SPIDR: variants seen among roughly 807,000 people sequenced by gnomAD.
SPIDR encodes DNA repair-scaffolding protein.
Under a neutral mutation model 104.6 loss-of-function variants are expected in SPIDR, and 93 were observed. The observed-to-expected ratio is 0.89, with a 90% CI of 0.75 to 1.06. The LOEUF (loss-of-function observed/expected upper bound fraction) is 1.06, where lower values mean the gene tolerates loss of function less well. Ranked by LOEUF, SPIDR falls within the 50% of genes least tolerant of loss-of-function variation. SPIDR has a pLI of 0.00. For synonymous variants in SPIDR, 431 were observed against 416.9 expected (o/e 1.03, Z -0.41); for missense variants, 1,154 against 1,111.2 (o/e 1.04, Z -0.55).
chr8:47,450,558 G>T (rs1361996663), intron 8 of SPIDR, among the ~76,000 whole-genome samples: 1 of 152,210 alleles, frequency 6.6e-6, no homozygotes, highest in African/African-American at 2.4e-5. Flanking sequence ...CTCCTCAAAT[G>T]TGTACCAGTT....
intron 1 of SPIDR, 61 bp downstream of exon 1, chr8:47,261,052 C>T (rs2032018271): frequency 1.6e-6 from 2 of 1,224,830 alleles, no homozygotes; most frequent in Admixed American, 4.3e-5. Flanking sequence ...AAGCGGCGGG[C>T]CGGCGCGGGG....
chr8:47,343,583 G>A (rs1554615371), intron 5 of SPIDR, among the ~76,000 whole-genome samples: 1 of 152,176 alleles, frequency 6.6e-6, no homozygotes, highest in African/African-American at 2.4e-5. Flanking sequence ...TGCCTGGGGT[G>A]GATGGAGTCT....
chr8:47,393,138 CTGT>C (rs1403029891), intron 5 of SPIDR, among the ~76,000 whole-genome samples: 1 of 152,164 alleles, frequency 6.6e-6, no homozygotes, highest in East Asian at 1.9e-4. Flanking sequence ...GAGCCACTGC[CTGT>C]TGACCAGTTT....
At chr8:47,290,552 T>C (rs2039720915) in intron 3 of SPIDR, among the ~76,000 whole-genome samples, 1 of 152,194 alleles carries the variant, frequency 6.6e-6, no homozygotes, top group African/African-American at 2.4e-5. Flanking sequence ...TATCTCAAAA[T>C]AAAAAGTTTA....
At chr8:47,363,199 C>CTTTTT (rs34705214) in intron 5 of SPIDR, among the ~76,000 whole-genome samples, 188 of 79,722 alleles carry the variant, frequency 2.4e-3, no homozygotes, top group Non-Finnish European at 2.8e-3. Context: ...CTTTATCTCT[C>CTTTTT]TTTTTTTTTT....
At chr8:47,329,738 G>A (rs1436205832) in intron 5 of SPIDR, among the ~76,000 whole-genome samples, 2 of 152,134 alleles carry the variant, frequency 1.3e-5, no homozygotes, top group Non-Finnish European at 2.9e-5. Context: ...AAAGAAAGGA[G>A]AGCAAGTATA....
intron 8 of SPIDR, among the ~76,000 whole-genome samples, chr8:47,519,974 C>T (rs753299205): frequency 8.5e-5 from 13 of 152,092 alleles, no homozygotes; most frequent in African/African-American, 1.4e-4. Flanking sequence ...TTCTACCTCT[C>T]GTCATTATAT....
chr8:47,679,034 A>G (rs1041854971), intron 11 of SPIDR, among the ~76,000 whole-genome samples: 11 of 152,078 alleles, frequency 7.2e-5, no homozygotes, highest in African/African-American at 2.7e-4. Flanking sequence ...CTCACAGGCC[A>G]GTCTCATGCT....
At chr8:47,669,889 ACTC>A (rs2075566330) in intron 10 of SPIDR, among the ~76,000 whole-genome samples, 1 of 151,030 alleles carries the variant, frequency 6.6e-6, no homozygotes, top group Non-Finnish European at 1.5e-5. Flanking sequence ...AGTCCCAGCT[ACTC>A]GGGAGGCTGA....
Position 47,284,082 on chromosome 8 carries a change from A to G in SPIDR, c.244A>G (p.Arg82Gly). The change falls in exon 3 of 20, where the codon AGA becomes GGA. Residue 82 changes from arginine (R) to glycine (G), a missense_variant. Arg to Gly is a moderately radical substitution (Grantham distance 125, BLOSUM62 -2). Transcript: ENST00000297423. Reference sequence around the variant, plus strand: ...AGAAAAGCACCTTGAATTATGCCCTAGACCCAAGCAAGGTAACTATTTTGT... The same window carrying G: ...AGAAAAGCACCTTGAATTATGCCCTGGACCCAAGCAAGGTAACTATTTTGT... ...ITEKHLELCP[R>G]PKQETTTSKS... 6.2e-7 allele frequency: 1 copy of G among 1,611,216 alleles called. No homozygotes were observed. Among genetic ancestry groups the G allele is most frequent in the Non-Finnish European group, 8.5e-7 (1 of 1,178,624 alleles).
At chr8:47,576,266 C>G (rs2059119288) in intron 8 of SPIDR, among the ~76,000 whole-genome samples, 1 of 152,168 alleles carries the variant, frequency 6.6e-6, no homozygotes, top group Admixed American at 6.5e-5. Context: ...GTTCTCCTGC[C>G]TCAGCCTCCA....
chr8:47,662,248 A>G (rs2074239775), intron 10 of SPIDR, among the ~76,000 whole-genome samples: 1 of 152,138 alleles, frequency 6.6e-6, no homozygotes, highest in African/African-American at 2.4e-5. Flanking sequence ...CCAGGCGTGG[A>G]GGGGAGGGCA....
intron 5 of SPIDR, among the ~76,000 whole-genome samples, chr8:47,358,930 A>G (rs2055131498): frequency 6.6e-6 from 1 of 151,964 alleles, no homozygotes. Context: ...TGATCACATA[A>G]ATTTCTGGTA....
intron 2 of SPIDR, among the ~76,000 whole-genome samples, chr8:47,281,909 T>C (rs974224346): frequency 6.6e-6 from 1 of 152,244 alleles, no homozygotes; most frequent in Non-Finnish European, 1.5e-5. Context: ...CATGTATTTC[T>C]GAAATAATAA....
chr8:47,396,409 G>A lies in SPIDR; in HGVS notation c.559G>A (p.Asp187Asn), dbSNP rs376651593. 1.6e-5 allele frequency: 25 copies of A among 1,611,108 alleles called. No individual in the cohort carries two copies. Among genetic ancestry groups the A allele is most frequent in the Non-Finnish European group, 1.9e-5 (22 of 1,177,492 alleles). The change falls in exon 6 of 20, where the codon GAT (aspartate) becomes AAT (asparagine). Residue 187 changes from aspartate (D) to asparagine (N), a missense_variant. Transcript: ENST00000297423. ...TATAGAAATTTTAGAGTATTCATCAGATAGTGAAAAAGAAGATGATTTGGA... is the reference window on the plus strand; with the variant it reads ...TATAGAAATTTTAGAGTATTCATCAAATAGTGAAAAAGAAGATGATTTGGA... ...SSIEILEYSS[D>N]SEKEDDLENV...
At chr8:47,651,620 A>G (rs2071650262) in intron 10 of SPIDR, among the ~76,000 whole-genome samples, 1 of 152,212 alleles carries the variant, frequency 6.6e-6, no homozygotes, top group Non-Finnish European at 1.5e-5. Flanking sequence ...AGGAAAGTAA[A>G]TCATTATATA....
At chr8:47,315,902 G>A (rs887086846) in intron 5 of SPIDR, among the ~76,000 whole-genome samples, 1 of 152,072 alleles carries the variant, frequency 6.6e-6, no homozygotes, top group African/African-American at 2.4e-5. Context: ...AAAGTATAAA[G>A]CTTTTAGAAT....
intron 8 of SPIDR, among the ~76,000 whole-genome samples, chr8:47,569,386 T>G (rs1031696453): frequency 2.6e-5 from 4 of 152,202 alleles, no homozygotes; most frequent in African/African-American, 9.6e-5. Flanking sequence ...GTAGGAAATA[T>G]TGGACTTGAA....
In SPIDR at chr8:47,331,740, G is replaced by A. The variant is rs545721006; in HGVS notation, c.525+37710G>A. Among the ~76,000 whole-genome samples the A allele has an allele frequency of 2.6e-5, 4 of 151,946 alleles. No individual in the cohort carries two copies. In the South Asian group the frequency reaches 6.2e-4, roughly 24 times the overall value. On this transcript the variant is annotated intron_variant, in intron 5 of 19. Transcript: ENST00000297423. ...TAAATTAATCTTAGCTTACTGTAACGTTTTTACTTCTTCTTCATTTTTTTC... is the reference window on the plus strand; with the variant it reads ...TAAATTAATCTTAGCTTACTGTAACATTTTTACTTCTTCTTCATTTTTTTC...
Sources: gnomAD v4.1 joint callset for allele counts (sites outside exome capture counted in the v4.1 genomes callset) on GRCh38, gnomAD v4.1.1 for gene constraint, MANE v1.5 for transcripts, NCBI Gene and HGNC (gene_info 2026-07-23, HGNC 2026-07-21) for gene names.